SI: variants seen among roughly 807,000 people sequenced by gnomAD.
The protein encoded by SI is sucrase-isomaltase.
A neutral mutation model predicts 253.3 loss-of-function variants in SI; 235 were observed. That is an observed-to-expected ratio of 0.93 (90% CI 0.83 to 1.03). SI has a LOEUF of 1.03. Ranked by LOEUF, SI falls within the 50% of genes least tolerant of loss-of-function variation. The pLI, the probability that SI is intolerant of heterozygous loss-of-function variation, is 0.00. For missense variants in SI, 2,442 were observed against 2,211.1 expected, an observed-to-expected ratio of 1.10 and a Z score of -2.09; for synonymous variants, 819 against 712.0, an observed-to-expected ratio of 1.15 and a Z score of -2.39.
chr3:165,010,207 T>C (rs1014903323), intron 34 of SI, among the ~76,000 whole-genome samples: 4 of 152,172 alleles, frequency 2.6e-5, no homozygotes, highest in African/African-American at 9.6e-5. Flanking sequence ...TTGCCCAGGC[T>C]GGAGTGCAAT....
chr3:165,019,590 G>A lies in SI; in HGVS notation c.3423+12C>T. On this transcript the variant is annotated intron_variant, in intron 28 of 47. Transcript: ENST00000264382. ...TAGTTGCCTCGTGGAGTGGTCATAT[G>A]TTGGTACCTACACCAGGGGGTTGGT... The A allele has an allele frequency of 6.2e-7, 1 of 1,611,400 alleles. No homozygotes were observed. Among genetic ancestry groups the A allele is most frequent in the Non-Finnish European group, 8.5e-7 (1 of 1,178,122 alleles).
At chr3:165,073,681 C>A (rs985170701) in intron 3 of SI, among the ~76,000 whole-genome samples, 2 of 151,692 alleles carry the variant, frequency 1.3e-5, no homozygotes, top group African/African-American at 2.4e-5. Flanking sequence ...TCTGTGGATA[C>A]AACAAACTGT....
At chr3:165,030,461 G>T (rs769818522) in intron 25 of SI, among the ~76,000 whole-genome samples, 2 of 150,888 alleles carry the variant, frequency 1.3e-5, no homozygotes, top group African/African-American at 2.4e-5. Context: ...TTTAAGTAAA[G>T]TTACATTATC....
In SI at chr3:165,017,629, G is replaced by T; in HGVS notation, c.3678C>A (p.Phe1226Leu). ...TTGCATATCCATAACGACATAATTG[G>T]AATCCCAAAGCCCAATAAGCTGGCA... is the stretch of plus-strand genomic sequence containing the variant. ...PVMPAYWALG[F>L]QLCRYGYANT... is the part of the protein sequence containing the mutation. Residue 1226 changes from phenylalanine (F) to leucine (L), a missense_variant, in exon 31 of 48, where the codon TTC (phenylalanine) becomes TTA (leucine). Phe to Leu is a conservative substitution (Grantham distance 22). Coordinates refer to ENST00000264382, the MANE Select transcript of SI (RefSeq NM_001041.4). The T allele has an allele frequency of 6.2e-7, 1 of 1,612,552 alleles. No individual in the cohort carries two copies. The highest frequency in any genetic ancestry group is 8.5e-7 in the Non-Finnish European group (1 of 1,179,062).
rs777656710 is a variant in SI, at chr3:165,043,066, C to T, written c.1997G>A (p.Gly666Glu). ...AGAACAAGAGGCTCTTACTTCATAT[C>T]CGTCAGAATTATGGTTTCTGGAAAA... ...YPFSRNHNSD[G>E]YEHQDPAFFG... Residue 666 changes from glycine to glutamate, a missense_variant, in exon 17 of 48, where the codon GGA (glycine) becomes GAA (glutamate). Transcript: ENST00000264382. The T allele has an allele frequency of 1.3e-6, 2 of 1,590,326 alleles. No homozygotes were observed. Among genetic ancestry groups the T allele is most frequent in the South Asian group, 2.2e-5 (2 of 90,598 alleles).
intron 18 of SI, 28 bp from the exon 19 acceptor site, chr3:165,039,999 T>G (rs1241650059): frequency 6.5e-7 from 1 of 1,547,184 alleles, no homozygotes; most frequent in Non-Finnish European, 8.9e-7. Flanking sequence ...GTTTAAAGTA[T>G]AATAATGAAA....
At chr3:164,982,538 T>G in intron 46 of SI, 128 bp from the exon 47 acceptor site, 1 of 716,048 alleles carries the variant, frequency 1.4e-6, no homozygotes, top group Non-Finnish European at 2.4e-6. Context: ...GCATTTGATA[T>G]AAGGTATTTT....
chr3:165,037,815 A>G (rs1712604209), intron 21 of SI, 85 bp downstream of exon 21: 10 of 986,004 alleles, frequency 1.0e-5, no homozygotes, highest in Non-Finnish European at 1.6e-5. Flanking sequence ...CAGAAACTAA[A>G]TATTATCTCT....
Position 165,008,018 on chromosome 3 carries a change from A to G in SI, c.4180-20T>C, listed in dbSNP as rs758556460. 2 of 1,281,262 alleles carry G rather than the reference A, an allele frequency of 1.6e-6. No individual in the cohort carries two copies. Among genetic ancestry groups the G allele is most frequent in the Non-Finnish European group, 1.1e-6 (1 of 879,518 alleles). The allele number at this position is 1,281,262 out of a possible 1,614,324, so 79.4% of individuals were successfully genotyped here. On this transcript the variant is annotated intron_variant, in intron 35 of 47. Coordinates refer to ENST00000264382, the MANE Select transcript of SI (RefSeq NM_001041.4). Reference sequence around the variant, plus strand: ...CATATCCTTAAAAAAAGATGAAAGAAAAAGGTAAACAAAAGATAAATTTAC... The same window carrying G: ...CATATCCTTAAAAAAAGATGAAAGAGAAAGGTAAACAAAAGATAAATTTAC...
At chr3:164,982,099 A>G in intron 47 of SI, 144 bp downstream of exon 47, 2 of 626,752 alleles carry the variant, frequency 3.2e-6, no homozygotes, top group South Asian at 4.0e-5. Context: ...AAGGAAATAA[A>G]TATGGAGGCC....
At chr3:165,022,973 A>T (rs2108187025) in intron 26 of SI, among the ~76,000 whole-genome samples, 1 of 151,610 alleles carries the variant, frequency 6.6e-6, no homozygotes, top group East Asian at 1.9e-4. Flanking sequence ...ATTTTTGATG[A>T]TTTATTATTT....
In SI at chr3:165,076,070, CCAA is replaced by C. The variant is rs1365719895; in HGVS notation, c.1-61_1-59del. The C allele has an allele frequency of 5.9e-6, 7 of 1,186,614 alleles. No individual in the cohort carries two copies. In the African/African-American group the frequency reaches 6.2e-5, roughly 10 times the overall value. 73.5% of individuals were successfully genotyped at this position (1,186,614 alleles called of 1,614,324 possible). On this transcript the variant is annotated intron_variant, in intron 1 of 47. Coordinates refer to ENST00000264382, the MANE Select transcript of SI (RefSeq NM_001041.4). ...TAAAATATATAACTATAATAAACCACCAACAATTCTCATGAAATTACATATTCT... is the reference window on the plus strand; with the variant it reads ...TAAAATATATAACTATAATAAACCACCAATTCTCATGAAATTACATATTCT...
In SI at chr3:164,998,599, C is replaced by A. The variant is rs1226204373; in HGVS notation, c.4481G>T (p.Gly1494Val). ...RSTYPTSGRW[G>V]GHWLGDNYAR... ...ATAGTTGTCTCCAAGCCAGTGTCCT[C>A]CCCATCGTCCACTAGTAGGATACGT... Residue 1494 changes from glycine (G) to valine (V), a missense_variant, in exon 38 of 48, where the codon GGA becomes GTA. By Grantham distance (109) the Gly-to-Val change is moderately radical. Coordinates refer to ENST00000264382, the MANE Select transcript of SI (RefSeq NM_001041.4). 1 of 1,611,944 alleles carries A rather than the reference C, an allele frequency of 6.2e-7. No homozygotes were observed. Among genetic ancestry groups the A allele is most frequent in the Admixed American group, 1.7e-5 (1 of 59,772 alleles).
intron 44 of SI, among the ~76,000 whole-genome samples, chr3:164,990,208 TTGCTG>T (rs1417514715): frequency 6.6e-6 from 1 of 152,112 alleles, no homozygotes; most frequent in Non-Finnish European, 1.5e-5. Context: ...CTTCTCAATT[TTGCTG>T]TATAAAACTG....
chr3:165,075,791 G>A, intron 2 of SI, 104 bp downstream of exon 2: 1 of 684,662 alleles, frequency 1.5e-6, no homozygotes, highest in Non-Finnish European at 2.6e-6. Context: ...TTTTCTATAA[G>A]TGTTTCATCT....
chr3:164,996,531 A>T lies in SI; in HGVS notation c.4692+4T>A. 3 of 1,383,130 alleles carry T rather than the reference A, an allele frequency of 2.2e-6. No individual in the cohort carries two copies. Among genetic ancestry groups the T allele is most frequent in the Non-Finnish European group, 3.1e-6 (3 of 970,064 alleles). 85.7% of individuals were successfully genotyped at this position (1,383,130 alleles called of 1,614,324 possible). A position where few individuals can be genotyped will look rare whatever the true frequency, so the allele number is the denominator to read the frequency against. On this transcript the variant is annotated splice_donor_region_variant and intron_variant, in intron 40 of 47. Transcript: ENST00000264382. ...TACTGAAAGTAAATGTAGTAATTAC[A>T]TACTCTAGTATTTGCAATGTTGTGA...
chr3:165,036,475 C>T lies in SI; in HGVS notation c.2429G>A (p.Arg810His), dbSNP rs746487509. ...GACTATAAGTCCTAGAGGATTCTTACGGCTGTTAAGAAAAATTAGGTGCAT... is the reference window on the plus strand; with the variant it reads ...GACTATAAGTCCTAGAGGATTCTTATGGCTGTTAAGAAAAATTAGGTGCAT... ...QEPDVTTTAS[R>H]KNPLGLIVAL... Residue 810 changes from arginine to histidine, a missense_variant and splice_region_variant, in exon 22 of 48, where the codon CGT becomes CAT. Transcript: ENST00000264382. The T allele has an allele frequency of 3.1e-5, 50 of 1,608,016 alleles. No homozygotes were observed. Among genetic ancestry groups the T allele is most frequent in the African/African-American group, 5.4e-5 (4 of 74,668 alleles).
chr3:165,018,005 G>C lies in SI; in HGVS notation c.3485C>G (p.Ala1162Gly), dbSNP rs1362517489. 1.2e-6 allele frequency: 2 copies of C among 1,611,634 alleles called. No individual in the cohort carries two copies. Among genetic ancestry groups the C allele is most frequent in the African/African-American group, 2.7e-5 (2 of 74,950 alleles). ...YYMALEEEGN[A>G]HGVFLLNSNA... ...GCTGTTGAGTAAGAAAACACCATGA[G>C]CATTGCCCTCCTCTTCCAGAGCCAT... The change falls in exon 29 of 48, where the codon GCT becomes GGT. Residue 1162 changes from alanine to glycine, a missense_variant. Transcript: ENST00000264382.
At chr3:164,999,253 A>G (rs1331682547) in intron 37 of SI, among the ~76,000 whole-genome samples, 3 of 151,766 alleles carry the variant, frequency 2.0e-5, no homozygotes, top group African/African-American at 4.8e-5. Context: ...AAATGAAATC[A>G]TATGATTTAT....
Sources: allele counts gnomAD v4.1 joint callset (sites outside exome capture counted in the v4.1 genomes callset), GRCh38; gene constraint gnomAD v4.1.1; transcripts MANE v1.5; gene names NCBI Gene and HGNC (gene_info 2026-07-23, HGNC 2026-07-21).